The following DLG2 variants were observed in gnomAD, a reference collection of about 807,000 sequenced individuals.
DLG2 encodes disks large homolog 2.
In DLG2, 45 loss-of-function variants were observed where a neutral mutation model predicts 132.5. That is an observed-to-expected ratio of 0.34 (90% confidence interval 0.27 to 0.44). The LOEUF is 0.44. Ranked by LOEUF, DLG2 falls within the 20% of genes least tolerant of loss-of-function variation. The pLI is 1.00. For synonymous variants in DLG2, 424 were observed against 419.6 expected (o/e 1.01, Z -0.13); for missense variants, 1,045 against 1,196.9 (o/e 0.87, Z 1.87).
At chr11:84,279,353 G>C (rs534479121) in intron 7 of DLG2, among the ~76,000 whole-genome samples, 1 of 152,204 alleles carries the variant, frequency 6.6e-6, no homozygotes, top group Admixed American at 6.5e-5. Context: ...ATTTTACACT[G>C]TTGGTGGGAG....
intron 21 of DLG2, among the ~76,000 whole-genome samples, chr11:83,521,959 C>T (rs1430074372): frequency 6.6e-6 from 1 of 152,132 alleles, no homozygotes; most frequent in Non-Finnish European, 1.5e-5. Context: ...CCTTGAAGGG[C>T]TCCCCAGTAC....
At chr11:85,152,115 G>A (rs971815868) in intron 5 of DLG2, among the ~76,000 whole-genome samples, 11 of 151,958 alleles carry the variant, frequency 7.2e-5, no homozygotes, top group Admixed American at 2.6e-4. Flanking sequence ...ATTTAACAGA[G>A]TATAAATATA....
intron 5 of DLG2, among the ~76,000 whole-genome samples, chr11:85,118,293 C>G (rs1465077684): frequency 2.0e-5 from 3 of 152,026 alleles, no homozygotes; most frequent in Non-Finnish European, 2.9e-5. Flanking sequence ...TGAGAACAAG[C>G]GTTTTTCAGT....
At chr11:84,491,259 T>G (rs1445471071) in intron 7 of DLG2, among the ~76,000 whole-genome samples, 2 of 152,064 alleles carry the variant, frequency 1.3e-5, no homozygotes, top group South Asian at 4.1e-4. Flanking sequence ...CAGGTCTTTC[T>G]CGTGCTGTTC....
At chr11:85,208,364 T>A (rs1246225172) in intron 4 of DLG2, among the ~76,000 whole-genome samples, 1 of 152,122 alleles carries the variant, frequency 6.6e-6, no homozygotes, top group East Asian at 1.9e-4. Flanking sequence ...AATTTCAAAT[T>A]TCACTCTCTC....
rs547670681 is a variant in DLG2 at position 85,273,645 on chromosome 11, A to T, written c.186+11575T>A. 9.8e-5 allele frequency among the ~76,000 whole-genome samples: 15 copies of T among 152,330 alleles called. No homozygotes were observed. In the East Asian group the frequency reaches 2.7e-3, roughly 27 times the overall value. On this transcript the variant is annotated intron_variant, in intron 4 of 27. Transcript: ENST00000376104. ...GATGTGGAGAAATAGGAACACTTTT[A>T]CACTGTTGGTGGGACTGTAAACTAG...
At chr11:83,595,130 GAA>G (rs58264052) in intron 19 of DLG2, among the ~76,000 whole-genome samples, 2 of 151,852 alleles carry the variant, frequency 1.3e-5, no homozygotes, top group East Asian at 1.9e-4. Flanking sequence ...CTATTTATGG[GAA>G]AAAAAAACCA....
At chr11:84,612,580 A>G (rs1192346999) in intron 6 of DLG2, among the ~76,000 whole-genome samples, 1 of 152,204 alleles carries the variant, frequency 6.6e-6, no homozygotes, top group Admixed American at 6.6e-5. Context: ...AATGAAAATA[A>G]GAAAATACAT....
At chr11:83,661,558 ATT>A (rs553174904) in intron 18 of DLG2, among the ~76,000 whole-genome samples, 1 of 151,640 alleles carries the variant, frequency 6.6e-6, no homozygotes, top group Non-Finnish European at 1.5e-5. Flanking sequence ...TATAATATTA[ATT>A]TTTTTTTGGT....
At chr11:84,905,472 T>C (rs933804744) in intron 6 of DLG2, among the ~76,000 whole-genome samples, 2 of 152,180 alleles carry the variant, frequency 1.3e-5, no homozygotes, top group African/African-American at 4.8e-5. Context: ...GGTAATAAAA[T>C]AGATTTTCTC....
intron 6 of DLG2, among the ~76,000 whole-genome samples, chr11:84,713,635 A>G (rs1261713352): frequency 6.6e-6 from 1 of 152,164 alleles, no homozygotes. Context: ...TTATTTACAA[A>G]TCCATAAAGT....
At chr11:84,521,751 A>G (rs927330180) in intron 7 of DLG2, among the ~76,000 whole-genome samples, 1 of 152,226 alleles carries the variant, frequency 6.6e-6, no homozygotes, top group Non-Finnish European at 1.5e-5. Flanking sequence ...AGTAAAACCT[A>G]CTTTTGGAAA....
At chr11:83,568,094 G>A (rs1273439177) in intron 19 of DLG2, among the ~76,000 whole-genome samples, 2 of 152,150 alleles carry the variant, frequency 1.3e-5, no homozygotes, top group Non-Finnish European at 2.9e-5. Flanking sequence ...GGCTTGGCAG[G>A]TGGCAGAGAA....
At chr11:84,317,111 C>T (rs1385019352) in intron 7 of DLG2, 2 of 1,612,816 alleles carry the variant, frequency 1.2e-6, no homozygotes, top group Non-Finnish European at 1.7e-6. Context: ...GGACCCCCGG[C>T]TGCAGCTGTG....
chr11:84,671,641 CAAAAT>C (rs1003118875), intron 6 of DLG2, among the ~76,000 whole-genome samples: 1 of 152,028 alleles, frequency 6.6e-6, no homozygotes, highest in African/African-American at 2.4e-5. Flanking sequence ...GAAAAAGAGA[CAAAAT>C]AAAAAGTGAC....
At chr11:85,340,752 T>C (rs2082435066) in intron 3 of DLG2, among the ~76,000 whole-genome samples, 1 of 152,214 alleles carries the variant, frequency 6.6e-6, no homozygotes, top group East Asian at 1.9e-4. Flanking sequence ...ATGGTGTTAG[T>C]TGTCATGCAA....
rs148486403 is a variant in DLG2, at chr11:84,819,633, G to A, written c.358-284902C>T. Among the ~76,000 whole-genome samples, 222 of 151,882 alleles carry A rather than the reference G, an allele frequency of 1.5e-3. 2 individuals carry two copies. Among genetic ancestry groups the A allele is most frequent in the African/African-American group, 5.1e-3 (212 of 41,472 alleles). ...ACTCTTCAAATCCAGATAAAATGAA[G>A]CATCAACTAAATTACCCATTGACCT... On this transcript the variant is annotated intron_variant, in intron 6 of 27. Transcript: ENST00000376104.
Position 83,977,358 on chromosome 11 carries a change from A to G in DLG2, c.1056+3148T>C, listed in dbSNP as rs1457500983. Among the ~76,000 whole-genome samples the G allele has an allele frequency of 3.9e-5, 6 of 152,114 alleles. No homozygotes were observed. The East Asian group carries it at 1.2e-3, about 29-fold the overall frequency. On this transcript the variant is annotated intron_variant, in intron 12 of 27. Coordinates refer to ENST00000376104, the MANE Select transcript of DLG2 (RefSeq NM_001142699.3). Reference sequence around the variant, plus strand: ...GGCATCAAGAGTATGAGCTATTAAGAGTTTCTAAAAAATACTGACCTAACT... The same window carrying G: ...GGCATCAAGAGTATGAGCTATTAAGGGTTTCTAAAAAATACTGACCTAACT...
chr11:84,673,917 C>T (rs959027692), intron 6 of DLG2, among the ~76,000 whole-genome samples: 3 of 152,126 alleles, frequency 2.0e-5, no homozygotes, highest in African/African-American at 4.8e-5. Context: ...CAAATGCTGG[C>T]TTGCTGTCTT....
Sources: allele counts gnomAD v4.1 joint callset (sites outside exome capture counted in the v4.1 genomes callset), GRCh38; gene constraint gnomAD v4.1.1; transcripts MANE v1.5; gene names NCBI Gene and HGNC (gene_info 2026-07-23, HGNC 2026-07-21).